The following BCAS3 variants were observed in gnomAD, a reference collection of about 807,000 sequenced individuals.
BCAS3 encodes the protein BCAS4/BCAS3 fusion.
BCAS3 carries 53 observed loss-of-function variants against 116.1 expected under a neutral mutation model. The ratio of observed to expected loss-of-function variants is 0.46; its 90% CI spans 0.37 to 0.57. The LOEUF (loss-of-function observed/expected upper bound fraction) is 0.57. Among genes scored for constraint, BCAS3 ranks in the 20% least tolerant of loss-of-function variants. BCAS3 has a pLI of 0.00. For missense variants in BCAS3, 917 were observed against 1,165.4 expected (o/e 0.79, Z 3.10); for synonymous variants, 391 against 408.2 (o/e 0.96, Z 0.51).
intron 23 of BCAS3, among the ~76,000 whole-genome samples, chr17:61,373,734 T>TCCCC (rs201558158): frequency 1.3e-4 from 18 of 141,360 alleles, no homozygotes; most frequent in Non-Finnish European, 2.3e-4. Flanking sequence ...GCCCAGCCCC[T>TCCCC]GTTTAAAGTA....
intron 7 of BCAS3, among the ~76,000 whole-genome samples, chr17:60,848,087 C>T (rs2052692261): frequency 6.6e-6 from 1 of 152,292 alleles, no homozygotes; most frequent in African/African-American, 2.4e-5. Flanking sequence ...ATTGAATAGA[C>T]TTGGCAGCTT....
rs1286693129 is a variant in BCAS3 at position 61,104,136 on chromosome 17, ATT to A, written c.2425+19574_2425+19575del. On this transcript the variant is annotated intron_variant, in intron 22 of 23. Coordinates refer to ENST00000407086, the MANE Select transcript of BCAS3 (RefSeq NM_017679.5). The surrounding 1 kb of genome is among the most constrained non-coding windows in gnomAD (Gnocchi z 4.1). ...AATGGTTTCATTTACCAAAATGACT[ATT>A]TCACTTGGAAAGTTTTGTCTTTTCT... Among the ~76,000 whole-genome samples, 3 of 152,156 alleles carry A rather than the reference ATT, an allele frequency of 2.0e-5. No homozygotes were observed. The highest frequency in any genetic ancestry group is 4.4e-5 in the Non-Finnish European group (3 of 68,032).
intron 22 of BCAS3, among the ~76,000 whole-genome samples, chr17:61,231,975 G>A (rs1406259557): frequency 6.6e-6 from 1 of 151,338 alleles, no homozygotes; most frequent in Non-Finnish European, 1.5e-5. Flanking sequence ...GGGAGGCCGA[G>A]GGGGGTGGAT....
intron 22 of BCAS3, among the ~76,000 whole-genome samples, chr17:61,288,293 A>G (rs2052033289): frequency 6.6e-6 from 1 of 152,150 alleles, no homozygotes; most frequent in African/African-American, 2.4e-5. Flanking sequence ...TGCTGGCCCT[A>G]AAGTATGTAG....
rs560277871 is a variant in BCAS3 at position 60,985,141 on chromosome 17, CT to C, written c.1222-4809del. 8.1e-3 allele frequency among the ~76,000 whole-genome samples: 976 copies of C among 120,318 alleles called. 8 individuals are homozygous for C. Among genetic ancestry groups the C allele is most frequent in the East Asian group, 0.031 (130 of 4,222 alleles). 78.9% of individuals were successfully genotyped at this position (120,318 alleles called of 152,430 possible). ...GAGTTATAAACGATTCAACTGTATTCTTTTTTTTTTTTTTTTTTTTTGAGAC... is the reference window on the plus strand; with the variant it reads ...GAGTTATAAACGATTCAACTGTATTCTTTTTTTTTTTTTTTTTTTTGAGAC... On this transcript the variant is annotated intron_variant, in intron 14 of 23. Coordinates refer to ENST00000407086, the MANE Select transcript of BCAS3 (RefSeq NM_017679.5).
At chr17:60,939,455 T>C (rs919453361) in intron 13 of BCAS3, among the ~76,000 whole-genome samples, 2 of 151,912 alleles carry the variant, frequency 1.3e-5, no homozygotes, top group African/African-American at 4.8e-5. Flanking sequence ...AACAAAAAAC[T>C]AGAAACAGCT....
At position 60,882,372 on chromosome 17, in the gene BCAS3, T is replaced by C. The variant is rs898332521; in HGVS notation, c.662-7323T>C. On this transcript the variant is annotated intron_variant, in intron 9 of 23. Coordinates refer to ENST00000407086, the MANE Select transcript of BCAS3 (RefSeq NM_017679.5). ...TGTCAGATGAGTAGGTTGCGAAAATTTTCTCCCATTTTGTAGGTGGCCTGT... is the reference window on the plus strand; with the variant it reads ...TGTCAGATGAGTAGGTTGCGAAAATCTTCTCCCATTTTGTAGGTGGCCTGT... 1.5e-3 allele frequency among the ~76,000 whole-genome samples: 219 copies of C among 147,474 alleles called. 1 individual carries two copies. Among genetic ancestry groups the C allele is most frequent in the Non-Finnish European group, 2.6e-3 (172 of 66,632 alleles).
chr17:61,179,676 G>GTGGCCTGCA (rs2079361686), intron 22 of BCAS3, among the ~76,000 whole-genome samples: 1 of 152,240 alleles, frequency 6.6e-6, no homozygotes, highest in East Asian at 1.9e-4. Flanking sequence ...GGGGCTTTAT[G>GTGGCCTGCA]GTGGTATTAG....
chr17:61,099,079 G>A lies in BCAS3; in HGVS notation c.2425+14515G>A, dbSNP rs368492802. On this transcript the variant is annotated intron_variant, in intron 22 of 23. Coordinates refer to ENST00000407086, the MANE Select transcript of BCAS3 (RefSeq NM_017679.5). ...GCGGAGCTCACAGTGAGCTGAGATC[G>A]CACCATTGCACTCCAGCCTGGGTGA... 1.1e-4 allele frequency among the ~76,000 whole-genome samples: 16 copies of A among 152,156 alleles called. No individual in the cohort carries two copies. The South Asian group carries it at 2.9e-3, about 28-fold the overall frequency.
chr17:60,851,442 T>A, intron 7 of BCAS3: 1 of 465,498 alleles, frequency 2.1e-6, no homozygotes, highest in Non-Finnish European at 4.3e-6. Flanking sequence ...CAAGAGGAGA[T>A]CGCCGCGGTT....
At chr17:61,312,518 G>A (rs2054394418) in intron 22 of BCAS3, among the ~76,000 whole-genome samples, 1 of 152,194 alleles carries the variant, frequency 6.6e-6, no homozygotes, top group African/African-American at 2.4e-5. Flanking sequence ...TTCTTTAACA[G>A]CAGACGTTCA....
At position 61,199,960 on chromosome 17, in the gene BCAS3, C is replaced by G. The variant is rs1291165689; in HGVS notation, c.2425+115396C>G. ...GTTCTTTAGTTTTTGCCTACTTCCT[C>G]CACAACATTCAAGCCTTGTTATATA... is the stretch of plus-strand genomic sequence containing the variant. On this transcript the variant is annotated intron_variant, in intron 22 of 23. Coordinates refer to ENST00000407086, the MANE Select transcript of BCAS3 (RefSeq NM_017679.5). This position sits in a 1 kb window ranked among gnomAD's most constrained non-coding sequence, Gnocchi z 4.6. 6.6e-6 allele frequency among the ~76,000 whole-genome samples: 1 copy of G among 152,152 alleles called. No homozygotes were observed. The highest frequency in any genetic ancestry group is 1.5e-5 in the Non-Finnish European group (1 of 68,030).
chr17:60,841,685 TCTC>T (rs898820209), intron 7 of BCAS3, among the ~76,000 whole-genome samples: 28 of 152,052 alleles, frequency 1.8e-4, no homozygotes, highest in African/African-American at 5.8e-4. Context: ...TGGCCTATCT[TCTC>T]ATAGTTTCTA....
At chr17:60,919,939 TAGG>T (rs1182736158) in intron 12 of BCAS3, among the ~76,000 whole-genome samples, 2 of 151,974 alleles carry the variant, frequency 1.3e-5, no homozygotes. Context: ...CAAAAGAAGA[TAGG>T]AGGAACAACA....
chr17:61,194,769 C>T (rs2080377934), intron 22 of BCAS3, among the ~76,000 whole-genome samples: 1 of 147,560 alleles, frequency 6.8e-6, no homozygotes, highest in African/African-American at 2.5e-5. Context: ...GATATACTAA[C>T]TATGTGACTC....
chr17:60,772,306 G>C (rs530309758), intron 6 of BCAS3, among the ~76,000 whole-genome samples: 3 of 152,090 alleles, frequency 2.0e-5, no homozygotes, highest in South Asian at 4.1e-4. Flanking sequence ...CTGATGGCCA[G>C]TGATGATGAG....
Position 60,843,060 on chromosome 17 carries a change from G to T in BCAS3, c.477-25516G>T, listed in dbSNP as rs2052119348. Among the ~76,000 whole-genome samples, 3 of 151,360 alleles carry T rather than the reference G, an allele frequency of 2.0e-5. No individual in the cohort carries two copies. In the South Asian group the frequency reaches 6.3e-4, roughly 32 times the overall value. ...CTAATTTTTAACATTTTTTTATAGA[G>T]AGAGGGTCTTGCTACGCTACTAAGG... On this transcript the variant is annotated intron_variant, in intron 7 of 23. Transcript: ENST00000407086.
At chr17:61,120,253 A>G (rs1347812017) in intron 22 of BCAS3, among the ~76,000 whole-genome samples, 2 of 152,126 alleles carry the variant, frequency 1.3e-5, no homozygotes, top group African/African-American at 4.8e-5. Flanking sequence ...AAAATTTTAA[A>G]TATAGTACAG....
chr17:60,978,187 T>C lies in BCAS3; in HGVS notation c.1222-11784T>C, dbSNP rs1337388520. 3.2e-3 allele frequency among the ~76,000 whole-genome samples: 399 copies of C among 125,792 alleles called. 1 individual carries two copies. The highest frequency in any genetic ancestry group is 0.016 in the African/African-American group (356 of 22,262). The allele number at this position is 125,792 out of a possible 152,430, so 82.5% of individuals were successfully genotyped here. ...TGTTGTTTCCTGACTTTTTAATGAT[T>C]GCCATTCTAACTGGTGTGAGATGGT... On this transcript the variant is annotated intron_variant, in intron 14 of 23. Coordinates refer to ENST00000407086, the MANE Select transcript of BCAS3 (RefSeq NM_017679.5).
Sources: gnomAD v4.1 joint callset for allele counts (sites outside exome capture counted in the v4.1 genomes callset) on GRCh38, gnomAD v4.1.1 for gene constraint, Gnocchi (gnomAD v3.1) non-coding constraint, MANE v1.5 for transcripts, NCBI Gene and HGNC (gene_info 2026-07-23, HGNC 2026-07-21) for gene names.